PDGFC: variants seen among roughly 807,000 people sequenced by gnomAD.
The protein encoded by PDGFC is platelet derived growth factor C.
PDGFC carries 12 observed loss-of-function variants against 35.5 expected under a neutral mutation model. That is an observed-to-expected ratio of 0.34 (90% CI 0.22 to 0.55). The LOEUF (loss-of-function observed/expected upper bound fraction) is 0.55. PDGFC is among the 20% of genes least tolerant of loss of function. PDGFC has a pLI of 0.91. For missense variants in PDGFC, 322 were observed against 412.4 expected, an observed-to-expected ratio of 0.78 and a Z score of 1.90; for synonymous variants, 159 against 148.8, an observed-to-expected ratio of 1.07 and a Z score of -0.50.
chr4:156,777,039 T>C (rs965022312), intron 3 of PDGFC, among the ~76,000 whole-genome samples: 1 of 152,118 alleles, frequency 6.6e-6, no homozygotes, highest in Admixed American at 6.5e-5. Context: ...GACTGAACTC[T>C]ATTTTTTTTT....
intron 1 of PDGFC, among the ~76,000 whole-genome samples, chr4:156,889,640 G>C (rs1318892008): frequency 1.3e-5 from 2 of 152,138 alleles, no homozygotes; most frequent in African/African-American, 4.8e-5. Context: ...TAGATCAACA[G>C]AACTCCACTC....
chr4:156,924,468 T>C (rs1026471092), intron 1 of PDGFC, among the ~76,000 whole-genome samples: 3 of 152,124 alleles, frequency 2.0e-5, no homozygotes, highest in Non-Finnish European at 4.4e-5. Flanking sequence ...AAAATGGTGG[T>C]GGTAAGAGCC....
chr4:156,805,434 G>A (rs891956580), intron 3 of PDGFC, among the ~76,000 whole-genome samples: 3 of 151,858 alleles, frequency 2.0e-5, no homozygotes, highest in African/African-American at 4.8e-5. Flanking sequence ...AATAAATGTC[G>A]ACTTATTAGA....
intron 3 of PDGFC, among the ~76,000 whole-genome samples, chr4:156,788,722 T>G (rs1218103221): frequency 1.3e-5 from 2 of 152,222 alleles, no homozygotes; most frequent in Non-Finnish European, 2.9e-5. Flanking sequence ...TTAATATGAA[T>G]GCTCATGCAA....
intron 1 of PDGFC, among the ~76,000 whole-genome samples, chr4:156,952,365 G>A (rs1218654522): frequency 6.6e-6 from 1 of 151,666 alleles, no homozygotes; most frequent in Non-Finnish European, 1.5e-5. Flanking sequence ...TAAACCGCTG[G>A]GGTAAATGGC....
chr4:156,846,538 C>T (rs886924816), intron 2 of PDGFC, among the ~76,000 whole-genome samples: 9 of 151,236 alleles, frequency 6.0e-5, no homozygotes, highest in Non-Finnish European at 1.0e-4. Flanking sequence ...CTAAAGAAGA[C>T]GAAAGAGTTA....
chr4:156,840,256 C>T (rs1233779808), intron 2 of PDGFC, among the ~76,000 whole-genome samples: 1 of 152,168 alleles, frequency 6.6e-6, no homozygotes, highest in East Asian at 1.9e-4. Flanking sequence ...GGTCTCCATG[C>T]TGTGTGCAGC....
Position 156,762,447 on chromosome 4 carries a change from C to T in PDGFC, c.*643G>A, listed in dbSNP as rs1463623237. ...GCCACTCTTCTTTTCAGGTTTATCTCTTCCAAACCATGAATGTAGTTCTCT... is the reference window on the plus strand; with the variant it reads ...GCCACTCTTCTTTTCAGGTTTATCTTTTCCAAACCATGAATGTAGTTCTCT... On this transcript the variant is annotated 3_prime_UTR_variant, in exon 6 of 6. Coordinates refer to ENST00000502773, the MANE Select transcript of PDGFC (RefSeq NM_016205.3). 6.6e-6 allele frequency: 1 copy of T among 152,490 alleles called. No homozygotes were observed. The highest frequency in any genetic ancestry group is 6.6e-5 in the Admixed American group (1 of 15,258). The allele number at this position is 152,490 out of a possible 1,614,324, so 9.4% of individuals were successfully genotyped here. A position where few individuals can be genotyped will look rare whatever the true frequency, so the allele number is the denominator to read the frequency against.
At chr4:156,886,305 C>G (rs761999879) in intron 1 of PDGFC, among the ~76,000 whole-genome samples, 4 of 152,164 alleles carry the variant, frequency 2.6e-5, no homozygotes, top group Non-Finnish European at 5.9e-5. Flanking sequence ...TGCTATAACT[C>G]TCTTGCAATA....
chr4:156,852,837 T>C (rs937408295), intron 1 of PDGFC, among the ~76,000 whole-genome samples: 7 of 152,206 alleles, frequency 4.6e-5, no homozygotes, highest in African/African-American at 1.7e-4. Flanking sequence ...CCAATGGATG[T>C]GGGAAGCCTC....
chr4:156,913,966 C>A (rs1228941311), intron 1 of PDGFC, among the ~76,000 whole-genome samples: 1 of 152,140 alleles, frequency 6.6e-6, no homozygotes, highest in South Asian at 2.1e-4. Context: ...ACTGAGTCAT[C>A]CCCTTCTAGA....
At chr4:156,830,546 C>A (rs1728901960) in intron 2 of PDGFC, among the ~76,000 whole-genome samples, 1 of 151,920 alleles carries the variant, frequency 6.6e-6, no homozygotes, top group Non-Finnish European at 1.5e-5. Context: ...TCAACCTGGG[C>A]GAGACAGTAT....
intron 1 of PDGFC, among the ~76,000 whole-genome samples, chr4:156,893,378 G>C (rs566806176): frequency 2.0e-5 from 3 of 151,704 alleles, no homozygotes; most frequent in Non-Finnish European, 4.4e-5. Context: ...CTGTCACCTA[G>C]GCTGGAATGC....
chr4:156,807,120 T>C (rs1018913957), intron 3 of PDGFC, among the ~76,000 whole-genome samples: 1 of 151,928 alleles, frequency 6.6e-6, no homozygotes, highest in African/African-American at 2.4e-5. Context: ...TTGGCATCAA[T>C]TTGCAGAAAT....
At chr4:156,960,696 G>A (rs1444307617) in intron 1 of PDGFC, among the ~76,000 whole-genome samples, 1 of 151,902 alleles carries the variant, frequency 6.6e-6, no homozygotes, top group Admixed American at 6.6e-5. Context: ...TGGATGTACA[G>A]ATCTATATTT....
chr4:156,932,559 T>C (rs189717522), intron 1 of PDGFC, among the ~76,000 whole-genome samples: 1 of 152,012 alleles, frequency 6.6e-6, no homozygotes, highest in Non-Finnish European at 1.5e-5. Context: ...TGGAATACTA[T>C]GCAGCCATAA....
chr4:156,789,976 CAAAAAA>C (rs750843965), intron 3 of PDGFC, among the ~76,000 whole-genome samples: 1 of 55,950 alleles, frequency 1.8e-5, no homozygotes, highest in Non-Finnish European at 3.3e-5. Flanking sequence ...GTCTCCATCT[CAAAAAA>C]AAAAAAAAAA....
intron 5 of PDGFC, among the ~76,000 whole-genome samples, chr4:156,764,337 C>T (rs1279605431): frequency 2.6e-5 from 4 of 152,114 alleles, no homozygotes; most frequent in South Asian, 2.1e-4. Context: ...TTTTTGAATG[C>T]TTACTGGGTG....
chr4:156,956,000 C>T (rs926904580), intron 1 of PDGFC, among the ~76,000 whole-genome samples: 1 of 152,000 alleles, frequency 6.6e-6, no homozygotes, highest in African/African-American at 2.4e-5. Flanking sequence ...AAAAGTAGAA[C>T]ATCCCTGAGT....
Sources: allele counts gnomAD v4.1 joint callset (sites outside exome capture counted in the v4.1 genomes callset), GRCh38; gene constraint gnomAD v4.1.1; transcripts MANE v1.5; gene names NCBI Gene and HGNC (gene_info 2026-07-23, HGNC 2026-07-21).